The following SYN3 variants were observed in gnomAD, a reference collection of about 807,000 sequenced individuals.
SYN3 encodes the protein synapsin III.
In SYN3, 35 loss-of-function variants were observed where a neutral mutation model predicts 65.8. The ratio of observed to expected loss-of-function variants is 0.53; its 90% CI spans 0.41 to 0.70. SYN3 has a LOEUF of 0.70. Among genes scored for constraint, SYN3 ranks in the 30% least tolerant of loss-of-function variants. The pLI is 0.00. For synonymous variants in SYN3, 270 were observed against 292.9 expected (o/e 0.92, Z 0.80); for missense variants, 680 against 749.0 (o/e 0.91, Z 1.08).
intron 6 of SYN3, among the ~76,000 whole-genome samples, chr22:32,775,973 T>C (rs977366452): frequency 6.6e-6 from 1 of 151,948 alleles, no homozygotes; most frequent in African/African-American, 2.4e-5. Context: ...GACCTAGAGA[T>C]CAGGAGATTA....
chr22:32,652,548 C>A (rs1196782386), intron 6 of SYN3, among the ~76,000 whole-genome samples: 1 of 151,928 alleles, frequency 6.6e-6, no homozygotes, highest in Non-Finnish European at 1.5e-5. Context: ...CTAGGCAAAT[C>A]AGATTTATAT....
chr22:32,523,566 G>A (rs936705754), intron 12 of SYN3, among the ~76,000 whole-genome samples: 1 of 152,094 alleles, frequency 6.6e-6, no homozygotes. Context: ...CTTGATAAAT[G>A]TGTGTGTTCT....
chr22:32,569,549 C>A (rs991566654), intron 7 of SYN3, among the ~76,000 whole-genome samples: 1 of 60,096 alleles, frequency 1.7e-5, no homozygotes, highest in African/African-American at 9.8e-5. Flanking sequence ...CTCTCTCTCT[C>A]TCTCTCTCTC....
At chr22:33,001,112 A>T (rs1398601827) in intron 2 of SYN3, among the ~76,000 whole-genome samples, 1 of 152,198 alleles carries the variant, frequency 6.6e-6, no homozygotes, top group Non-Finnish European at 1.5e-5. Flanking sequence ...CAACTGCCAG[A>T]TGAGTTAATG....
chr22:33,028,003 G>A (rs2053667854), intron 1 of SYN3, among the ~76,000 whole-genome samples: 1 of 152,218 alleles, frequency 6.6e-6, no homozygotes, highest in African/African-American at 2.4e-5. Context: ...TGAGGCACAG[G>A]GAGATGAAGT....
At chr22:32,931,588 C>T in intron 3 of SYN3, 107 bp from the exon 4 acceptor site, 1 of 724,606 alleles carries the variant, frequency 1.4e-6, no homozygotes, top group Non-Finnish European at 2.4e-6. Flanking sequence ...TTTAAAGCTC[C>T]CCTCAAACTT....
chr22:32,623,133 G>A (rs558881242), intron 6 of SYN3, among the ~76,000 whole-genome samples: 1 of 152,176 alleles, frequency 6.6e-6, no homozygotes, highest in Non-Finnish European at 1.5e-5. Flanking sequence ...TGAACCCCAG[G>A]GAGAGAAAGT....
At chr22:32,964,346 C>G (rs969747859) in intron 3 of SYN3, among the ~76,000 whole-genome samples, 2 of 148,960 alleles carry the variant, frequency 1.3e-5, no homozygotes, top group Non-Finnish European at 3.0e-5. Context: ...GTGCAGCACA[C>G]CAACATGGCA....
intron 6 of SYN3, among the ~76,000 whole-genome samples, chr22:32,839,270 T>C (rs1269325112): frequency 6.6e-6 from 1 of 152,054 alleles, no homozygotes; most frequent in East Asian, 1.9e-4. Flanking sequence ...TAGGTGAGGA[T>C]GTAAATGAGG....
chr22:32,780,068 C>A (rs1413087264), intron 6 of SYN3, among the ~76,000 whole-genome samples: 32 of 72,572 alleles, frequency 4.4e-4, no homozygotes, highest in South Asian at 5.0e-4. Context: ...GATTCTGTCT[C>A]AAAAAAAAAA....
chr22:32,618,046 C>T (rs2146728346), intron 6 of SYN3, among the ~76,000 whole-genome samples: 1 of 152,242 alleles, frequency 6.6e-6, no homozygotes, highest in East Asian at 1.9e-4. Flanking sequence ...CCACATCACG[C>T]CTATCTCAGT....
chr22:32,800,619 C>T (rs985093674), intron 6 of SYN3, among the ~76,000 whole-genome samples: 5 of 152,210 alleles, frequency 3.3e-5, no homozygotes, highest in African/African-American at 9.7e-5. Flanking sequence ...TCTATTATAG[C>T]TAGTCGTCTA....
chr22:32,791,400 T>C (rs1251390323), intron 6 of SYN3, among the ~76,000 whole-genome samples: 1 of 152,112 alleles, frequency 6.6e-6, no homozygotes, highest in Non-Finnish European at 1.5e-5. Flanking sequence ...CATATTGACC[T>C]GGCTGAGTAC....
chr22:32,725,119 A>G (rs759991488), intron 6 of SYN3, among the ~76,000 whole-genome samples: 4 of 152,178 alleles, frequency 2.6e-5, no homozygotes, highest in Non-Finnish European at 5.9e-5. Context: ...TTTGTCTCAA[A>G]CAAAACAAAA....
chr22:32,932,579 G>A (rs1241274240), intron 3 of SYN3, among the ~76,000 whole-genome samples: 1 of 152,202 alleles, frequency 6.6e-6, no homozygotes, highest in Admixed American at 6.5e-5. Flanking sequence ...AGGGGCAAGA[G>A]ATGGGGATGT....
At chr22:32,967,123 G>C (rs539204342) in intron 3 of SYN3, among the ~76,000 whole-genome samples, 181 of 152,194 alleles carry the variant, frequency 1.2e-3, no homozygotes, top group African/African-American at 4.1e-3. Flanking sequence ...CTTAGCGTGT[G>C]CCTGACACTT....
chr22:32,917,268 G>A (rs2050209529), intron 4 of SYN3, among the ~76,000 whole-genome samples: 1 of 152,130 alleles, frequency 6.6e-6, no homozygotes, highest in African/African-American at 2.4e-5. Context: ...CAATGCTAGT[G>A]TTTTTTTCCA....
At chr22:32,943,885 C>G (rs2051021346) in intron 3 of SYN3, among the ~76,000 whole-genome samples, 1 of 152,176 alleles carries the variant, frequency 6.6e-6, no homozygotes, top group African/African-American at 2.4e-5. Flanking sequence ...ATCAATTCAA[C>G]AAGAAGAGCT....
At chr22:33,008,924 CAAAAAAAAAAAAAAAAAAA>C (rs201719238) in intron 1 of SYN3, among the ~76,000 whole-genome samples, 67 of 57,090 alleles carry the variant, frequency 1.2e-3, no homozygotes, top group African/African-American at 3.1e-3. Flanking sequence ...GACTTTATCT[CAAAAAAAAAAAAAAAAAAA>C]AAAAAAAAAA....
Sources: gnomAD v4.1 joint callset for allele counts (sites outside exome capture counted in the v4.1 genomes callset) on GRCh38, gnomAD v4.1.1 for gene constraint, MANE v1.5 for transcripts, NCBI Gene and HGNC (gene_info 2026-07-23, HGNC 2026-07-21) for gene names.